Variants in GRIP1 observed in about 807,000 individuals in gnomAD.
The protein encoded by GRIP1 is glutamate receptor interacting protein 1.
A neutral mutation model predicts 129.9 loss-of-function variants in GRIP1; 45 were observed. The ratio of observed to expected loss-of-function variants is 0.35; its 90% CI spans 0.27 to 0.44. GRIP1 has a LOEUF of 0.44. GRIP1 is among the 20% of genes least tolerant of loss of function. GRIP1 has a pLI of 1.00. For missense variants in GRIP1, 1,196 were observed against 1,396.8 expected, an observed-to-expected ratio of 0.86 and a Z score of 2.29; for synonymous variants, 530 against 520.8, an observed-to-expected ratio of 1.02 and a Z score of -0.24.
intron 1 of GRIP1, among the ~76,000 whole-genome samples, chr12:66,834,045 G>A (rs148358996): frequency 6.6e-6 from 1 of 152,184 alleles, no homozygotes; most frequent in Non-Finnish European, 1.5e-5. Context: ...GGGCAAGGTG[G>A]TGTGTGCCTG....
intron 1 of GRIP1, among the ~76,000 whole-genome samples, chr12:66,982,971 A>C (rs1046543396): frequency 6.6e-6 from 1 of 152,192 alleles, no homozygotes; most frequent in Non-Finnish European, 1.5e-5. Context: ...GAAAAGCTAC[A>C]GTTTTCTTGA....
rs139073903 is a variant in GRIP1 at position 66,827,751 on chromosome 12, C to T, written c.59-230824G>A. ...TCTCCCTTCCACATTTGCCTTTTTT[C>T]CCTACCTCAGTAAACAAGCACTGGC... On this transcript the variant is annotated intron_variant, in intron 1 of 1. Coordinates refer to the GRIP1 transcript ENST00000643019. 5.4e-3 allele frequency among the ~76,000 whole-genome samples: 819 copies of T among 152,290 alleles called. 5 individuals are homozygous for T. Among genetic ancestry groups the T allele is most frequent in the East Asian group, 0.021 (111 of 5,188 alleles).
intron 1 of GRIP1, among the ~76,000 whole-genome samples, chr12:66,988,752 T>A (rs1390238382): frequency 6.6e-6 from 1 of 152,182 alleles, no homozygotes; most frequent in African/African-American, 2.4e-5. Context: ...TTGTTTCAAA[T>A]TCTGATATAT....
At chr12:66,403,763 T>C (rs1204294994) in intron 16 of GRIP1, among the ~76,000 whole-genome samples, 3 of 152,140 alleles carry the variant, frequency 2.0e-5, no homozygotes, top group Non-Finnish European at 4.4e-5. Context: ...ATAGAGATTG[T>C]AGGGGAAGGG....
chr12:66,498,040 G>A (rs530674506), intron 7 of GRIP1, among the ~76,000 whole-genome samples: 125 of 152,136 alleles, frequency 8.2e-4, no homozygotes, highest in Non-Finnish European at 1.5e-3. Context: ...ACTCCTGCCC[G>A]CCAGAGAACA....
chr12:66,495,635 T>C (rs544646973), intron 7 of GRIP1, among the ~76,000 whole-genome samples: 1 of 152,222 alleles, frequency 6.6e-6, no homozygotes, highest in South Asian at 2.1e-4. Flanking sequence ...AAACTAAAAT[T>C]TACGTGAGCC....
intron 2 of GRIP1, among the ~76,000 whole-genome samples, chr12:66,563,018 G>A (rs953139545): frequency 2.0e-5 from 3 of 151,894 alleles, no homozygotes; most frequent in Non-Finnish European, 4.4e-5. Flanking sequence ...AGAAGGAAGA[G>A]GAGGGTTGGA....
intron 1 of GRIP1, among the ~76,000 whole-genome samples, chr12:66,705,952 C>T (rs1305988167): frequency 6.6e-6 from 1 of 152,076 alleles, no homozygotes; most frequent in Admixed American, 6.5e-5. Context: ...CATGAAAACC[C>T]TAGAAGAAAA....
chr12:66,497,529 T>C (rs1382634318), intron 7 of GRIP1, among the ~76,000 whole-genome samples: 3 of 152,112 alleles, frequency 2.0e-5, no homozygotes, highest in Non-Finnish European at 4.4e-5. Context: ...ACTGGGAAAG[T>C]TGAACACTGA....
intron 1 of GRIP1, among the ~76,000 whole-genome samples, chr12:66,598,231 G>A (rs537821571): frequency 5.7e-4 from 87 of 152,282 alleles, no homozygotes; most frequent in African/African-American, 1.9e-3. Context: ...CTTCTGGTTT[G>A]AAATGATTCA....
intron 4 of GRIP1, among the ~76,000 whole-genome samples, chr12:66,531,314 C>T (rs1239106157): frequency 1.3e-5 from 1 of 77,640 alleles, no homozygotes; most frequent in African/African-American, 6.0e-5. Flanking sequence ...CACACACACA[C>T]ACATACATAT....
chr12:66,838,279 C>A (rs1288965155), intron 1 of GRIP1, among the ~76,000 whole-genome samples: 2 of 151,394 alleles, frequency 1.3e-5, no homozygotes, highest in Non-Finnish European at 2.9e-5. Context: ...GAGTTATATT[C>A]TCCATTACTC....
chr12:66,497,714 A>T (rs2060272841), intron 7 of GRIP1, among the ~76,000 whole-genome samples: 1 of 152,160 alleles, frequency 6.6e-6, no homozygotes, highest in South Asian at 2.1e-4. Flanking sequence ...GGCACGGACA[A>T]GTGTGTGGAC....
intron 23 of GRIP1, among the ~76,000 whole-genome samples, chr12:66,363,199 CCATATATATATATATATA>C (rs2054903360): frequency 5.7e-5 from 2 of 35,338 alleles, no homozygotes; most frequent in South Asian, 1.9e-3. Context: ...GTGTGTGTGT[CCATATATATATATATATA>C]TATATATATA....
At chr12:66,753,360 A>G (rs1325464234) in intron 1 of GRIP1, among the ~76,000 whole-genome samples, 3 of 152,200 alleles carry the variant, frequency 2.0e-5, no homozygotes, top group Admixed American at 6.5e-5. Flanking sequence ...TTCCATCTGT[A>G]GACCACTTAT....
intron 7 of GRIP1, among the ~76,000 whole-genome samples, chr12:66,486,962 T>G (rs1206007164): frequency 6.6e-6 from 1 of 152,094 alleles, no homozygotes; most frequent in Non-Finnish European, 1.5e-5. Flanking sequence ...AACGAATTTT[T>G]AATTTTTTAA....
chr12:66,863,049 T>C (rs1707556209), intron 1 of GRIP1, among the ~76,000 whole-genome samples: 1 of 151,926 alleles, frequency 6.6e-6, no homozygotes, highest in Non-Finnish European at 1.5e-5. Flanking sequence ...AGGAATAATG[T>C]TCTTGGCTCA....
intron 16 of GRIP1, among the ~76,000 whole-genome samples, chr12:66,404,417 A>G (rs908706357): frequency 6.6e-6 from 1 of 152,146 alleles, no homozygotes; most frequent in African/African-American, 2.4e-5. Context: ...CTCTTAACCA[A>G]TCTCCACTTA....
upstream of GRIP1, among the ~76,000 whole-genome samples, chr12:66,680,543 T>C (rs150877655): frequency 4.5e-4 from 68 of 152,206 alleles, no homozygotes; most frequent in East Asian, 0.012. Context: ...TTTATAATTG[T>C]TCTGATTAGC....
Sources: gnomAD v4.1 joint callset for allele counts (sites outside exome capture counted in the v4.1 genomes callset) on GRCh38, gnomAD v4.1.1 for gene constraint, MANE v1.5 for transcripts, NCBI Gene and HGNC (gene_info 2026-07-23, HGNC 2026-07-21) for gene names.